The following STAM variants were observed in gnomAD, a reference collection of about 807,000 sequenced individuals.
STAM encodes the protein signal transducing adapter molecule 1.
A neutral mutation model predicts 63.4 loss-of-function variants in STAM; 16 were observed. The ratio of observed to expected loss-of-function variants is 0.25; its 90% CI spans 0.17 to 0.38. STAM has a LOEUF of 0.38. STAM is among the 10% of genes least tolerant of loss of function. STAM has a pLI of 1.00. For synonymous variants in STAM, 238 were observed against 223.9 expected (o/e 1.06, Z -0.56); for missense variants, 636 against 657.1 (o/e 0.97, Z 0.35).
chr10:17,690,078 G>A (rs1257514466), intron 5 of STAM, among the ~76,000 whole-genome samples: 2 of 152,176 alleles, frequency 1.3e-5, no homozygotes, highest in Admixed American at 6.5e-5. Context: ...AATCTAATCC[G>A]CTCATTTTTA....
At position 17,688,939 on chromosome 10, in the gene STAM, A is replaced by G. The variant is rs369309979; in HGVS notation, c.444+766A>G. On this transcript the variant is annotated intron_variant, in intron 5 of 13. Coordinates refer to ENST00000377524, the MANE Select transcript of STAM (RefSeq NM_003473.4). Reference sequence around the variant, plus strand: ...GTGGAGGAAATTTATGAATTCCTCTATTAACAATGAGAGGACTTTAGAAGG... The same window carrying G: ...GTGGAGGAAATTTATGAATTCCTCTGTTAACAATGAGAGGACTTTAGAAGG... 7.6e-4 allele frequency among the ~76,000 whole-genome samples: 116 copies of G among 152,298 alleles called. 1 individual carries two copies. In the South Asian group the frequency reaches 0.022, roughly 28 times the overall value.
intron 1 of STAM, among the ~76,000 whole-genome samples, chr10:17,652,162 C>T (rs1277854046): frequency 6.6e-6 from 1 of 152,020 alleles, no homozygotes; most frequent in Non-Finnish European, 1.5e-5. Context: ...TCCCACAAAC[C>T]CTGTTTTTGT....
At position 17,684,915 on chromosome 10, in the gene STAM, C is replaced by T. The variant is rs1331340048; in HGVS notation, c.285C>T (p.Asn95=). Residue 95 remains asparagine (N), a synonymous_variant, in exon 4 of 14, where the codon AAC becomes AAT. Coordinates refer to ENST00000377524, the MANE Select transcript of STAM (RefSeq NM_003473.4). The part of the protein sequence containing the change: ...CSRDFASEVS[N]VLNKGHPKVC... Reference sequence around the variant, plus strand: ...GAGATTTTGCTAGTGAAGTAAGCAACGTATTAAATAAGGTAAGGAGCATTA... The same window carrying T: ...GAGATTTTGCTAGTGAAGTAAGCAATGTATTAAATAAGGTAAGGAGCATTA... 3.7e-6 allele frequency: 6 copies of T among 1,612,894 alleles called. No individual in the cohort carries two copies. Among genetic ancestry groups the T allele is most frequent in the Non-Finnish European group, 5.1e-6 (6 of 1,179,220 alleles).
intron 2 of STAM, among the ~76,000 whole-genome samples, chr10:17,666,520 G>T (rs1834389750): frequency 6.6e-6 from 1 of 150,796 alleles, no homozygotes; most frequent in African/African-American, 2.4e-5. Context: ...TCAGCCTCCT[G>T]AGTAGCTGGG....
chr10:17,714,566 G>T lies in STAM; in HGVS notation c.1409G>T (p.Gly470Val), dbSNP rs1554830491. Residue 470 changes from glycine (G) to valine (V), a missense_variant, in exon 14 of 14, where the codon GGA becomes GTA. Transcript: ENST00000377524. ...AGTACAATGGTCAGTTCCGTTCAAG[G>T]AAACACATATCCCAGCCAGGCGCCA... Reference protein sequence around the residue: ...YPNTMVSSVQGNTYPSQAPVY... With the variant: ...YPNTMVSSVQVNTYPSQAPVY... 1 of 1,614,068 alleles carries T rather than the reference G, an allele frequency of 6.2e-7. No individual in the cohort carries two copies. Among genetic ancestry groups the T allele is most frequent in the Non-Finnish European group, 8.5e-7 (1 of 1,180,016 alleles).
At chr10:17,683,248 C>T (rs1304159949) in intron 2 of STAM, among the ~76,000 whole-genome samples, 5 of 152,134 alleles carry the variant, frequency 3.3e-5, no homozygotes, top group South Asian at 2.1e-4. Flanking sequence ...ACTGCATCCT[C>T]GACCTCTGGG....
At chr10:17,702,032 A>G (rs1836021632) in intron 9 of STAM, among the ~76,000 whole-genome samples, 1 of 152,212 alleles carries the variant, frequency 6.6e-6, no homozygotes, top group Admixed American at 6.5e-5. Context: ...ATACCGAAAG[A>G]ACTTAATGAA....
intron 2 of STAM, among the ~76,000 whole-genome samples, chr10:17,681,386 T>C (rs1554825347): frequency 6.6e-6 from 1 of 152,104 alleles, no homozygotes. Flanking sequence ...TCACGTATTT[T>C]AATTTTCTAT....
chr10:17,648,041 A>G (rs1000521466), intron 1 of STAM, among the ~76,000 whole-genome samples: 2 of 152,310 alleles, frequency 1.3e-5, no homozygotes, highest in South Asian at 4.1e-4. Context: ...GTTTCCTGTC[A>G]CTGAGCTCCA....
At chr10:17,658,508 A>G (rs1440051992) in intron 1 of STAM, among the ~76,000 whole-genome samples, 1 of 151,114 alleles carries the variant, frequency 6.6e-6, no homozygotes, top group Non-Finnish European at 1.5e-5. Flanking sequence ...TTTTCTGCCT[A>G]CCTGACCTGT....
intron 1 of STAM, among the ~76,000 whole-genome samples, chr10:17,652,318 C>T (rs1407798695): frequency 1.3e-5 from 2 of 152,016 alleles, no homozygotes; most frequent in Admixed American, 6.5e-5. Context: ...TTGAGACAGC[C>T]TCAATAAATG....
chr10:17,661,325 A>G (rs782242673), intron 2 of STAM, among the ~76,000 whole-genome samples: 2 of 152,166 alleles, frequency 1.3e-5, no homozygotes, highest in Non-Finnish European at 2.9e-5. Flanking sequence ...GCTGCATTAC[A>G]CTTGATATTT....
chr10:17,680,849 T>C (rs782094377), intron 2 of STAM, among the ~76,000 whole-genome samples: 13 of 152,242 alleles, frequency 8.5e-5, no homozygotes, highest in Non-Finnish European at 1.6e-4. Context: ...TACCACATTT[T>C]GCTTATCCAT....
intron 2 of STAM, among the ~76,000 whole-genome samples, chr10:17,662,111 C>G (rs782207860): frequency 6.6e-6 from 1 of 152,010 alleles, no homozygotes; most frequent in Non-Finnish European, 1.5e-5. Context: ...TTTTCTAATT[C>G]TTATATCCAG....
intron 6 of STAM, among the ~76,000 whole-genome samples, chr10:17,693,743 G>A (rs557147669): frequency 6.6e-6 from 1 of 151,980 alleles, no homozygotes; most frequent in Non-Finnish European, 1.5e-5. Flanking sequence ...GATTATTTCT[G>A]ATTTTTTTTT....
At chr10:17,678,285 C>T (rs577009950) in intron 2 of STAM, among the ~76,000 whole-genome samples, 4 of 148,512 alleles carry the variant, frequency 2.7e-5, no homozygotes, top group Admixed American at 1.4e-4. Context: ...GACAGAGTCT[C>T]GCTGTGTTGC....
At chr10:17,713,097 C>G (rs1349199844) in intron 13 of STAM, among the ~76,000 whole-genome samples, 1 of 152,196 alleles carries the variant, frequency 6.6e-6, no homozygotes, top group Non-Finnish European at 1.5e-5. Flanking sequence ...TTTGACAGTT[C>G]GTGATTCCCT....
chr10:17,705,568 A>T lies in STAM; in HGVS notation c.1056-20A>T. On this transcript the variant is annotated intron_variant, in intron 11 of 13. Coordinates refer to ENST00000377524, the MANE Select transcript of STAM (RefSeq NM_003473.4). Reference sequence around the variant, plus strand: ...CATTTTAGTAACAGCTATGCTTCAAATTATTGTGTCATGTTTCAGAAAACA... The same window carrying T: ...CATTTTAGTAACAGCTATGCTTCAATTTATTGTGTCATGTTTCAGAAAACA... The T allele has an allele frequency of 1.2e-6, 2 of 1,603,582 alleles. No individual in the cohort carries two copies. Among genetic ancestry groups the T allele is most frequent in the South Asian group, 2.3e-5 (2 of 88,320 alleles).
At position 17,714,995 on chromosome 10, in the gene STAM, C is replaced by A; in HGVS notation, c.*215C>A. 1 of 553,564 alleles carries A rather than the reference C, an allele frequency of 1.8e-6. No homozygotes were observed. The highest frequency in any genetic ancestry group is 2.1e-5 in the South Asian group (1 of 47,996). The allele number at this position is 553,564 out of a possible 1,614,324, so 34.3% of individuals were successfully genotyped here. On this transcript the variant is annotated 3_prime_UTR_variant, in exon 14 of 14. Coordinates refer to ENST00000377524, the MANE Select transcript of STAM (RefSeq NM_003473.4). ...CCCTGCAGAGGAATGAAACTACTTA[C>A]AACATTTAATTCCTTTCATAATATG... is the stretch of plus-strand genomic sequence containing the variant.
Sources: allele counts gnomAD v4.1 joint callset (sites outside exome capture counted in the v4.1 genomes callset), GRCh38; gene constraint gnomAD v4.1.1; transcripts MANE v1.5; gene names NCBI Gene and HGNC (gene_info 2026-07-23, HGNC 2026-07-21).